Variants in PPP1R36 observed in about 807,000 individuals in gnomAD.
PPP1R36 encodes the protein protein phosphatase 1 regulatory subunit 36.
In PPP1R36, 47 loss-of-function variants were observed where a neutral mutation model predicts 53.4. The observed-to-expected ratio is 0.88, with a 90% confidence interval of 0.70 to 1.12. The LOEUF (loss-of-function observed/expected upper bound fraction) is 1.12, where lower values mean the gene tolerates loss of function less well. Ranked by LOEUF, PPP1R36 falls within the 50% of genes most tolerant of loss-of-function variation. PPP1R36 has a pLI of 0.00. For synonymous variants in PPP1R36, 153 were observed against 170.5 expected (o/e 0.90, Z 0.80); for missense variants, 456 against 513.9 (o/e 0.89, Z 1.09).
chr14:64,559,092 A>G (rs1430066641), intron 3 of PPP1R36, among the ~76,000 whole-genome samples: 4 of 152,128 alleles, frequency 2.6e-5, no homozygotes, highest in African/African-American at 9.7e-5. Context: ...GGCAGAAAAA[A>G]TAAATAAACA....
intron 6 of PPP1R36, among the ~76,000 whole-genome samples, chr14:64,565,971 G>A (rs1362800903): frequency 6.6e-6 from 1 of 152,116 alleles, no homozygotes; most frequent in Non-Finnish European, 1.5e-5. Context: ...AATAGTTAAA[G>A]GATATACCCA....
intron 4 of PPP1R36, among the ~76,000 whole-genome samples, chr14:64,565,124 G>T (rs1236212951): frequency 6.6e-6 from 1 of 152,150 alleles, no homozygotes; most frequent in Non-Finnish European, 1.5e-5. Context: ...ATCTATTTTG[G>T]ATGGTATTTG....
At chr14:64,571,641 A>C (rs2080304200) in intron 7 of PPP1R36, among the ~76,000 whole-genome samples, 1 of 152,184 alleles carries the variant, frequency 6.6e-6, no homozygotes, top group Admixed American at 6.5e-5. Flanking sequence ...GTTAATAAGC[A>C]TCAAGTCCTT....
At chr14:64,576,900 G>A (rs180989738) in intron 8 of PPP1R36, among the ~76,000 whole-genome samples, 122 of 152,340 alleles carry the variant, frequency 8.0e-4, no homozygotes, top group African/African-American at 2.9e-3. Flanking sequence ...GGCACTCAGG[G>A]AGCGTAACTG....
chr14:64,564,643 A>G, intron 3 of PPP1R36, 108 bp from the exon 4 acceptor site: 1 of 687,960 alleles, frequency 1.5e-6, no homozygotes, highest in Non-Finnish European at 2.5e-6. Context: ...GCTGTGTCTC[A>G]GATCTGCTGA....
chr14:64,588,319 A>G (rs2080453761), intron 11 of PPP1R36, 24 bp downstream of exon 11: 2 of 1,576,412 alleles, frequency 1.3e-6, no homozygotes, highest in African/African-American at 2.7e-5. Flanking sequence ...CAAGAGAAGC[A>G]TGAGTGCCTT....
chr14:64,563,504 T>C (rs1411861528), intron 3 of PPP1R36, among the ~76,000 whole-genome samples: 3 of 151,612 alleles, frequency 2.0e-5, no homozygotes, highest in Non-Finnish European at 4.4e-5. Context: ...TAAAAAATCA[T>C]TCCCTTGAGG....
chr14:64,556,601 A>T (rs1018226282), intron 3 of PPP1R36, among the ~76,000 whole-genome samples: 9 of 122,876 alleles, frequency 7.3e-5, no homozygotes, highest in Non-Finnish European at 4.9e-5. Flanking sequence ...TGTTCCCACA[A>T]TTTTTTTTTT....
rs1331583441 is a variant in PPP1R36, at chr14:64,550,989, A to G, written c.134+4A>G. The G allele has an allele frequency of 6.3e-7, 1 of 1,580,140 alleles. No individual in the cohort carries two copies. The highest frequency in any genetic ancestry group is 2.2e-5 in the East Asian group (1 of 44,716). Reference sequence around the variant, plus strand: ...CCAGAACTCTTGAATTCAGAAGGTAAAATTTAACAACACTTTATTAGAGTT... The same window carrying G: ...CCAGAACTCTTGAATTCAGAAGGTAGAATTTAACAACACTTTATTAGAGTT... On this transcript the variant is annotated splice_donor_region_variant and intron_variant, in intron 2 of 11. Transcript: ENST00000298705.
Position 64,549,962 on chromosome 14 carries a change from T to A in PPP1R36, c.-36T>A, listed in dbSNP as rs1202418951. On this transcript the variant is annotated 5_prime_UTR_variant, in exon 1 of 12. Transcript: ENST00000298705. ...CGTGTGCAGGCGCCTGCGGGCGGTATCCTCGGCGACGCCGTATGGCTTCCA... is the reference window on the plus strand; with the variant it reads ...CGTGTGCAGGCGCCTGCGGGCGGTAACCTCGGCGACGCCGTATGGCTTCCA... 2 of 1,537,188 alleles carry A rather than the reference T, an allele frequency of 1.3e-6. No homozygotes were observed. The highest frequency in any genetic ancestry group is 1.8e-6 in the Non-Finnish European group (2 of 1,135,292).
chr14:64,561,746 C>T (rs1193299308), intron 3 of PPP1R36: 3 of 455,732 alleles, frequency 6.6e-6, no homozygotes, highest in African/African-American at 6.0e-5. Flanking sequence ...AGACTTTTCT[C>T]TCTGACATAG....
At chr14:64,571,491 T>C (rs2080303342) in intron 7 of PPP1R36, among the ~76,000 whole-genome samples, 1 of 152,166 alleles carries the variant, frequency 6.6e-6, no homozygotes, top group Non-Finnish European at 1.5e-5. Flanking sequence ...ATAATTATAA[T>C]TTTTAATGGT....
intron 8 of PPP1R36, among the ~76,000 whole-genome samples, chr14:64,584,228 A>T (rs568316015): frequency 6.6e-6 from 1 of 152,300 alleles, no homozygotes; most frequent in South Asian, 2.1e-4. Flanking sequence ...TGTCTAAAAA[A>T]AGAACCCAGA....
At chr14:64,584,182 G>A (rs1223385577) in intron 8 of PPP1R36, among the ~76,000 whole-genome samples, 2 of 152,076 alleles carry the variant, frequency 1.3e-5, no homozygotes, top group African/African-American at 4.8e-5. Flanking sequence ...GATTACAGGC[G>A]TGAGCCACTG....
chr14:64,554,453 A>C (rs1414680387), intron 3 of PPP1R36, among the ~76,000 whole-genome samples: 1 of 152,096 alleles, frequency 6.6e-6, no homozygotes, highest in East Asian at 1.9e-4. Context: ...ACCTGGCTTC[A>C]TCACAAATTT....
intron 8 of PPP1R36, among the ~76,000 whole-genome samples, chr14:64,585,619 C>G (rs1349641714): frequency 1.3e-5 from 2 of 151,770 alleles, no homozygotes; most frequent in Non-Finnish European, 2.9e-5. Context: ...CCAGAACCAT[C>G]CTGAACTCCT....
chr14:64,573,362 T>C (rs2080317641), intron 7 of PPP1R36, among the ~76,000 whole-genome samples: 1 of 152,158 alleles, frequency 6.6e-6, no homozygotes. Context: ...CACAGATGCC[T>C]TCTTAGCAAA....
intron 7 of PPP1R36, 98 bp downstream of exon 7, chr14:64,568,545 T>C: frequency 3.7e-6 from 2 of 543,976 alleles, no homozygotes; most frequent in Non-Finnish European, 6.4e-6. Flanking sequence ...TTTTTAAATC[T>C]TTGAGATGTA....
rs55791907 is a variant in PPP1R36 at position 64,588,098 on chromosome 14, C to T, written c.891-6C>T. ...ATGACCTAAATGTCACCTTCCTCCC[C>T]GACAGGAGAATGATGGCAAAACGCC... On this transcript the variant is annotated splice_polypyrimidine_tract_variant and splice_region_variant and intron_variant, in intron 10 of 11. Transcript: ENST00000298705. 110,426 of 1,589,558 alleles carry T rather than the reference C, an allele frequency of 0.069. 4,326 individuals carry two copies. Among genetic ancestry groups the T allele is most frequent in the Non-Finnish European group, 0.08 (93,398 of 1,164,868 alleles).
Sources: gnomAD v4.1 joint callset for allele counts (sites outside exome capture counted in the v4.1 genomes callset) on GRCh38, gnomAD v4.1.1 for gene constraint, MANE v1.5 for transcripts, NCBI Gene and HGNC (gene_info 2026-07-23, HGNC 2026-07-21) for gene names.